Variants in MEGF10 observed in about 807,000 individuals in gnomAD.
MEGF10 encodes multiple epidermal growth factor-like domains protein 10.
Under a neutral mutation model 147.5 loss-of-function variants are expected in MEGF10, and 86 were observed. That is an observed-to-expected ratio of 0.58 (90% CI 0.49 to 0.70). The LOEUF (loss-of-function observed/expected upper bound fraction) is 0.70. MEGF10 is among the 30% of genes least tolerant of loss of function. MEGF10 has a pLI of 0.00. For synonymous variants in MEGF10, 478 were observed against 525.5 expected (o/e 0.91, Z 1.24); for missense variants, 1,329 against 1,487.3 (o/e 0.89, Z 1.75).
chr5:127,364,585 C>G (rs550877791), intron 4 of MEGF10, among the ~76,000 whole-genome samples: 1 of 152,134 alleles, frequency 6.6e-6, no homozygotes, highest in Non-Finnish European at 1.5e-5. Context: ...TATAAGCAAA[C>G]ACAATAGGGT....
chr5:127,412,407 G>A (rs1433730625), intron 9 of MEGF10, among the ~76,000 whole-genome samples: 2 of 152,074 alleles, frequency 1.3e-5, no homozygotes, highest in African/African-American at 2.4e-5. Flanking sequence ...GGAAGCCCAA[G>A]GTCCCTTCAA....
chr5:127,302,553 A>G (rs79477100), intron 1 of MEGF10, among the ~76,000 whole-genome samples: 2,750 of 152,272 alleles, frequency 0.018, 77 homozygotes, highest in East Asian at 0.11. Context: ...CTAGATAGTG[A>G]TGATGGTTGC....
intron 5 of MEGF10, among the ~76,000 whole-genome samples, chr5:127,376,786 G>T (rs1389908425): frequency 6.6e-6 from 1 of 152,214 alleles, no homozygotes; most frequent in Non-Finnish European, 1.5e-5. Flanking sequence ...CTAGTTTACA[G>T]ATGAGGAAAC....
chr5:127,256,064 G>A, the MEGF10 span, among the ~76,000 whole-genome samples: 1 of 152,120 alleles, frequency 6.6e-6, no homozygotes, highest in Non-Finnish European at 1.5e-5. Context: ...TGGGAAATCT[G>A]GGCTCCCATG....
the MEGF10 span, among the ~76,000 whole-genome samples, chr5:127,258,880 A>C: frequency 0.016 from 2,510 of 152,276 alleles, 59 homozygotes; most frequent in East Asian, 0.086. Flanking sequence ...TGTTCACTAC[A>C]AACTACCCAG....
chr5:127,436,623 G>A (rs1476039322), intron 16 of MEGF10, among the ~76,000 whole-genome samples: 1 of 152,158 alleles, frequency 6.6e-6, no homozygotes, highest in African/African-American at 2.4e-5. Flanking sequence ...CCTTTAAAAA[G>A]TAGTCTTTAT....
chr5:127,456,020 A>G (rs994673341), intron 24 of MEGF10, among the ~76,000 whole-genome samples: 5 of 152,226 alleles, frequency 3.3e-5, no homozygotes, highest in Admixed American at 3.3e-4. Context: ...CAGGGAAAAT[A>G]TTATTTAGAA....
intron 7 of MEGF10, among the ~76,000 whole-genome samples, chr5:127,399,188 T>C (rs2126927579): frequency 6.6e-6 from 1 of 152,322 alleles, no homozygotes; most frequent in East Asian, 1.9e-4. Context: ...GGAACATTAT[T>C]CTTAACAGTG....
At chr5:127,255,467 G>C in the MEGF10 span, among the ~76,000 whole-genome samples, 1 of 151,716 alleles carries the variant, frequency 6.6e-6, no homozygotes, top group African/African-American at 2.4e-5. Flanking sequence ...AGACAAGGAG[G>C]GGGGCAGTTT....
At chr5:127,380,353 T>C (rs572943543) in intron 5 of MEGF10, among the ~76,000 whole-genome samples, 1 of 152,034 alleles carries the variant, frequency 6.6e-6, no homozygotes, top group East Asian at 1.9e-4. Context: ...AACAAACAGA[T>C]TGGCAAAGCA....
intron 4 of MEGF10, among the ~76,000 whole-genome samples, chr5:127,362,762 A>G (rs1044707039): frequency 6.6e-6 from 1 of 152,170 alleles, no homozygotes; most frequent in Non-Finnish European, 1.5e-5. Flanking sequence ...CTGTCTTTTA[A>G]TTTAGATATT....
intron 5 of MEGF10, among the ~76,000 whole-genome samples, chr5:127,394,987 G>C (rs1763844309): frequency 6.6e-6 from 1 of 152,162 alleles, no homozygotes; most frequent in Non-Finnish European, 1.5e-5. Context: ...CTTCTGATGA[G>C]TTGTTTGCTG....
At chr5:127,353,236 C>T (rs778577441) in intron 4 of MEGF10, among the ~76,000 whole-genome samples, 16 of 152,232 alleles carry the variant, frequency 1.1e-4, no homozygotes, top group African/African-American at 3.9e-4. Context: ...GTGGTTCATT[C>T]AGGCACATGC....
chr5:127,247,398 G>C, the MEGF10 span, among the ~76,000 whole-genome samples: 40 of 47,634 alleles, frequency 8.4e-4, 1 homozygote, highest in South Asian at 1.6e-3. Context: ...AGAAGAAGAA[G>C]AAGAAGAAGA....
intron 4 of MEGF10, among the ~76,000 whole-genome samples, chr5:127,352,394 G>A (rs1327047300): frequency 6.6e-6 from 1 of 152,168 alleles, no homozygotes; most frequent in Non-Finnish European, 1.5e-5. Context: ...GGGCATGGTG[G>A]CTCACTCCTG....
At chr5:127,417,321 C>T (rs561975850) in intron 9 of MEGF10, among the ~76,000 whole-genome samples, 29 of 152,248 alleles carry the variant, frequency 1.9e-4, no homozygotes, top group Admixed American at 1.7e-3. Context: ...TTTTTAGCTC[C>T]TCTCATAGAG....
chr5:127,447,963 GTA>G (rs555076774), intron 21 of MEGF10, among the ~76,000 whole-genome samples: 331 of 152,200 alleles, frequency 2.2e-3, no homozygotes, highest in African/African-American at 7.6e-3. Context: ...TCTACAATCT[GTA>G]CTGTTTCCAT....
intron 13 of MEGF10, among the ~76,000 whole-genome samples, chr5:127,425,618 TA>T (rs990208271): frequency 5.2e-4 from 79 of 152,206 alleles, no homozygotes; most frequent in Middle Eastern, 3.4e-3. Context: ...AGAATTGGCT[TA>T]TTTTTTTTTT....
At position 127,440,275 on chromosome 5, in the gene MEGF10, C is replaced by T. The variant is rs553671196; in HGVS notation, c.2234-464C>T. On this transcript the variant is annotated intron_variant, in intron 17 of 24. Transcript: ENST00000503335. ...AAGTTGATATTATCTAAGATAATAA[C>T]AGATACAGTGGACAAGGCTAGTAGC... Among the ~76,000 whole-genome samples the T allele has an allele frequency of 1.1e-4, 17 of 152,242 alleles. 1 individual carries two copies. The East Asian group carries it at 3.1e-3, about 28-fold the overall frequency.
Sources: allele counts gnomAD v4.1 joint callset (sites outside exome capture counted in the v4.1 genomes callset), GRCh38; gene constraint gnomAD v4.1.1; transcripts MANE v1.5; gene names NCBI Gene and HGNC (gene_info 2026-07-23, HGNC 2026-07-21).